Variants in PRKCH observed in about 807,000 individuals in gnomAD.
The protein encoded by PRKCH is protein kinase C eta type.
Under a neutral mutation model 82.5 loss-of-function variants are expected in PRKCH, and 28 were observed. The ratio of observed to expected loss-of-function variants is 0.34; its 90% confidence interval spans 0.25 to 0.47. PRKCH has a LOEUF of 0.47. Among genes scored for constraint, PRKCH ranks in the 20% least tolerant of loss-of-function variants. The pLI, the probability that PRKCH is intolerant of heterozygous loss-of-function variation, is 1.00. For missense variants in PRKCH, 705 were observed against 881.8 expected (o/e 0.80, Z 2.54); for synonymous variants, 322 against 327.4 (o/e 0.98, Z 0.18).
intron 1 of PRKCH, among the ~76,000 whole-genome samples, chr14:61,388,074 G>A (rs1369866555): frequency 6.6e-6 from 1 of 150,626 alleles, no homozygotes; most frequent in East Asian, 1.9e-4. Flanking sequence ...CTTGAACCCA[G>A]GAGGCAGAGA....
intron 1 of PRKCH, among the ~76,000 whole-genome samples, chr14:61,258,019 C>T (rs563425003): frequency 1.3e-5 from 2 of 151,904 alleles, no homozygotes; most frequent in African/African-American, 2.4e-5. Context: ...AGAAGGCTGG[C>T]GACCAAGAGA....
intron 1 of PRKCH, among the ~76,000 whole-genome samples, chr14:61,333,215 ACTGTTGTCGAGCC>A (rs1415362212): frequency 3.9e-5 from 6 of 152,302 alleles, no homozygotes; most frequent in Admixed American, 3.3e-4. Context: ...TGCTTTTGAA[ACTGTTGTCGAGCC>A]CTAGACCCTT....
intron 12 of PRKCH, among the ~76,000 whole-genome samples, chr14:61,547,105 G>T (rs1008424188): frequency 1.3e-5 from 2 of 152,170 alleles, no homozygotes; most frequent in African/African-American, 4.8e-5. Flanking sequence ...AACCTACTTC[G>T]AAACAGCAGT....
intron 1 of PRKCH, among the ~76,000 whole-genome samples, chr14:61,232,610 C>G (rs558330881): frequency 6.6e-6 from 1 of 152,136 alleles, no homozygotes; most frequent in Non-Finnish European, 1.5e-5. Context: ...AGCTTCTGTC[C>G]CCTTAGAGTT....
At chr14:61,481,990 CTTT>C (rs35134897) in intron 9 of PRKCH, among the ~76,000 whole-genome samples, 255 of 101,050 alleles carry the variant, frequency 2.5e-3, no homozygotes, top group African/African-American at 8.1e-3. Context: ...TTTCCTTTTC[CTTT>C]TTTTTTTTTT....
chr14:61,317,460 G>A (rs2045572426), upstream of PRKCH, among the ~76,000 whole-genome samples: 1 of 152,274 alleles, frequency 6.6e-6, no homozygotes, highest in South Asian at 2.1e-4. Context: ...ATTTTGTAGA[G>A]ACAGGGTCTC....
intron 1 of PRKCH, among the ~76,000 whole-genome samples, chr14:61,312,541 T>C (rs1171022975): frequency 6.6e-6 from 1 of 152,188 alleles, no homozygotes; most frequent in African/African-American, 2.4e-5. Context: ...TATGAAGAAA[T>C]ACCCGAGAAT....
intron 1 of PRKCH, among the ~76,000 whole-genome samples, chr14:61,349,867 TA>T (rs1235364404): frequency 2.0e-5 from 3 of 146,890 alleles, no homozygotes; most frequent in Non-Finnish European, 3.0e-5. Context: ...TCTCAGAAAA[TA>T]AAAAAAAAAG....
intron 2 of PRKCH, among the ~76,000 whole-genome samples, chr14:61,395,368 C>T (rs1299765326): frequency 1.3e-5 from 2 of 150,552 alleles, no homozygotes; most frequent in Non-Finnish European, 3.0e-5. Flanking sequence ...AGCTTGACCT[C>T]GCTCCTGGAA....
At chr14:61,262,219 T>TAAATAAAAAAAAAA (rs1356058235) in intron 1 of PRKCH, among the ~76,000 whole-genome samples, 1 of 106,614 alleles carries the variant, frequency 9.4e-6, no homozygotes, top group African/African-American at 4.1e-5. Context: ...AGACTCTGTA[T>TAAATAAAAAAAAAA]AAAAAAAAAA....
At chr14:61,292,080 A>G (rs2045367494) in intron 1 of PRKCH, among the ~76,000 whole-genome samples, 1 of 152,152 alleles carries the variant, frequency 6.6e-6, no homozygotes, top group Admixed American at 6.5e-5. Context: ...AGTGGCATGT[A>G]TTTTAGATGC....
chr14:61,414,999 G>T (rs1405234617), intron 2 of PRKCH, among the ~76,000 whole-genome samples: 2 of 151,918 alleles, frequency 1.3e-5, no homozygotes, highest in Non-Finnish European at 2.9e-5. Context: ...TCATCTGCAG[G>T]GACACTCTCA....
intron 1 of PRKCH, among the ~76,000 whole-genome samples, chr14:61,345,436 G>C (rs2045979724): frequency 6.6e-6 from 1 of 152,152 alleles, no homozygotes; most frequent in Non-Finnish European, 1.5e-5. Context: ...TTTGTATATG[G>C]AGGCAAGGCT....
intron 1 of PRKCH, among the ~76,000 whole-genome samples, chr14:61,312,849 A>G (rs1445524678): frequency 6.6e-6 from 1 of 152,204 alleles, no homozygotes; most frequent in Non-Finnish European, 1.5e-5. Context: ...TGGGTGGCAC[A>G]CAGCCAAACC....
intron 1 of PRKCH, among the ~76,000 whole-genome samples, chr14:61,351,318 T>C (rs549888159): frequency 9.8e-5 from 15 of 152,298 alleles, no homozygotes; most frequent in African/African-American, 3.1e-4. Flanking sequence ...AGATGGCGCT[T>C]CCAGCTAAGG....
intron 9 of PRKCH, among the ~76,000 whole-genome samples, chr14:61,475,029 C>T (rs1228271332): frequency 6.6e-6 from 1 of 152,154 alleles, no homozygotes; most frequent in African/African-American, 2.4e-5. Flanking sequence ...AAAATATCTT[C>T]CCACATGGCA....
intron 10 of PRKCH, among the ~76,000 whole-genome samples, chr14:61,494,052 A>G (rs1052133484): frequency 3.3e-5 from 5 of 152,158 alleles, no homozygotes; most frequent in African/African-American, 9.7e-5. Context: ...AGTTTTAGAA[A>G]GGTTGTATGA....
chr14:61,402,448 T>C (rs1344101208), intron 2 of PRKCH, among the ~76,000 whole-genome samples: 1 of 152,258 alleles, frequency 6.6e-6, no homozygotes, highest in East Asian at 1.9e-4. Context: ...ACTGTATTCA[T>C]GTACTTCAAC....
chr14:61,532,612 C>G lies in PRKCH; in HGVS notation c.1761+2017C>G, dbSNP rs550569199. Among the ~76,000 whole-genome samples the G allele has an allele frequency of 4.6e-5, 7 of 151,534 alleles. No individual in the cohort carries two copies. The South Asian group carries it at 1.5e-3, about 32-fold the overall frequency. On this transcript the variant is annotated intron_variant, in intron 12 of 13. Transcript: ENST00000332981. ...CTTAGCCTAGAACCTAGGACAAGTACTAAGCAAGGTTAAGATTCCTATGGA... is the reference window on the plus strand; with the variant it reads ...CTTAGCCTAGAACCTAGGACAAGTAGTAAGCAAGGTTAAGATTCCTATGGA...
Sources: allele counts gnomAD v4.1 joint callset (sites outside exome capture counted in the v4.1 genomes callset), GRCh38; gene constraint gnomAD v4.1.1; transcripts MANE v1.5; gene names NCBI Gene and HGNC (gene_info 2026-07-23, HGNC 2026-07-21).